The following TOX2 variants were observed in gnomAD, a reference collection of about 807,000 sequenced individuals.
TOX2 encodes the protein TOX high mobility group box family member 2, also known as granulosa cell HMG box 1.
Under a neutral mutation model 47.4 loss-of-function variants are expected in TOX2, and 15 were observed. The ratio of observed to expected loss-of-function variants is 0.32; its 90% CI spans 0.21 to 0.49. TOX2 has a LOEUF of 0.49. Among genes scored for constraint, TOX2 ranks in the 20% least tolerant of loss-of-function variants. TOX2 has a pLI of 0.99. For synonymous variants in TOX2, 290 were observed against 296.6 expected (o/e 0.98, Z 0.23); for missense variants, 622 against 673.1 (o/e 0.92, Z 0.84).
chr20:44,030,573 T>C (rs2071134211), intron 3 of TOX2, among the ~76,000 whole-genome samples: 1 of 152,164 alleles, frequency 6.6e-6, no homozygotes, highest in Admixed American at 6.5e-5. Flanking sequence ...TCAGGGCCTT[T>C]CCTGATGCCC....
At chr20:44,015,602 A>G (rs1421299370) in intron 3 of TOX2, among the ~76,000 whole-genome samples, 2 of 152,234 alleles carry the variant, frequency 1.3e-5, no homozygotes, top group Non-Finnish European at 2.9e-5. Context: ...AGAAAAATAG[A>G]TGACCGATAA....
At chr20:44,039,280 AAG>A in intron 3 of TOX2, 1 of 1,289,356 alleles carries the variant, frequency 7.8e-7, no homozygotes, top group Non-Finnish European at 1.0e-6. Context: ...GTCTAGAGAG[AAG>A]CCCACATGTC....
intron 2 of TOX2, among the ~76,000 whole-genome samples, chr20:43,999,920 G>A (rs747628472): frequency 2.6e-5 from 4 of 152,162 alleles, no homozygotes; most frequent in Non-Finnish European, 5.9e-5. Context: ...TACATCTATG[G>A]CCAGTTGATT....
chr20:43,922,338 A>C (rs1046977901), intron 1 of TOX2, among the ~76,000 whole-genome samples: 1 of 152,196 alleles, frequency 6.6e-6, no homozygotes, highest in African/African-American at 2.4e-5. Flanking sequence ...CCCTGCCCCC[A>C]GTCGTGACAA....
chr20:43,915,054 C>A lies in TOX2; in HGVS notation c.99+64C>A. 1.9e-6 allele frequency: 2 copies of A among 1,025,996 alleles called. No homozygotes were observed. The highest frequency in any genetic ancestry group is 2.4e-6 in the Non-Finnish European group (2 of 821,450). 63.6% of individuals were successfully genotyped at this position (1,025,996 alleles called of 1,614,324 possible). On this transcript the variant is annotated intron_variant, in intron 1 of 8. Transcript: ENST00000341197. The surrounding 1 kb of genome is among the most constrained non-coding windows in gnomAD (Gnocchi z 7.1). The stretch of plus-strand genomic sequence containing the variant: ...CGGAGTCACCTGGCAGCTCGGGACT[C>A]AGGCGCTCCCGGGGTCACACGGGGC...
At chr20:44,061,315 C>T (rs1448710389) in intron 5 of TOX2, among the ~76,000 whole-genome samples, 2 of 152,024 alleles carry the variant, frequency 1.3e-5, no homozygotes, top group Non-Finnish European at 2.9e-5. Flanking sequence ...CACTATTCCA[C>T]AAAATAAAGA....
intron 2 of TOX2, among the ~76,000 whole-genome samples, chr20:43,985,016 G>A (rs527610005): frequency 3.3e-5 from 5 of 152,266 alleles, no homozygotes; most frequent in Non-Finnish European, 1.5e-5. Context: ...CTGTGTGTGA[G>A]CTCACTGGTG....
intron 3 of TOX2, 48 bp downstream of exon 3, chr20:44,006,840 G>A: frequency 6.3e-7 from 1 of 1,579,192 alleles, no homozygotes; most frequent in East Asian, 2.3e-5. Context: ...CAGCAGGGAG[G>A]GGGTTGAGAG....
At chr20:44,034,573 G>A (rs764821718) in intron 3 of TOX2, among the ~76,000 whole-genome samples, 3 of 152,218 alleles carry the variant, frequency 2.0e-5, no homozygotes, top group Non-Finnish European at 4.4e-5. Flanking sequence ...CAGAGGATGT[G>A]AGAAAGAGGC....
intron 1 of TOX2, among the ~76,000 whole-genome samples, chr20:43,962,295 A>G (rs865982377): frequency 6.6e-6 from 1 of 152,120 alleles, no homozygotes; most frequent in Non-Finnish European, 1.5e-5. Context: ...GCAGCTGGTG[A>G]GTGTACTGGG....
At chr20:43,939,628 G>A (rs1300047684) in intron 1 of TOX2, among the ~76,000 whole-genome samples, 1 of 152,162 alleles carries the variant, frequency 6.6e-6, no homozygotes, top group Non-Finnish European at 1.5e-5. Context: ...GATAAGCGAG[G>A]GTTCATTTGG....
intron 2 of TOX2, 143 bp from the exon 3 acceptor site, chr20:44,006,404 C>G: frequency 1.5e-6 from 2 of 1,331,946 alleles, no homozygotes; most frequent in South Asian, 2.8e-5. Context: ...CGTCTTGACC[C>G]TCTGCCTTGC....
chr20:43,992,985 T>C (rs1242825527), intron 2 of TOX2, among the ~76,000 whole-genome samples: 1 of 152,042 alleles, frequency 6.6e-6, no homozygotes, highest in Admixed American at 6.5e-5. Flanking sequence ...CCACCAAGCA[T>C]GTTTTCCCCT....
intron 1 of TOX2, among the ~76,000 whole-genome samples, chr20:43,959,717 A>G (rs1441980158): frequency 2.6e-5 from 4 of 152,250 alleles, no homozygotes; most frequent in African/African-American, 9.6e-5. Context: ...AACCCGACGT[A>G]CGCTCATGCG....
At position 44,050,969 on chromosome 20, in the gene TOX2, T is replaced by C. The variant is rs11906843; in HGVS notation, c.412-337T>C. ...ACTGCTCAGTTCATGCAGAGACATA[T>C]TGCATTCCAGGAGGGAAGACTCGGT... is the stretch of plus-strand genomic sequence containing the variant. On this transcript the variant is annotated intron_variant, in intron 3 of 8. Transcript: ENST00000341197. Among the ~76,000 whole-genome samples, 961 of 152,286 alleles carry C rather than the reference T, an allele frequency of 6.3e-3. 15 individuals carry two copies. The highest frequency in any genetic ancestry group is 0.022 in the African/African-American group (909 of 41,558).
chr20:44,006,313 G>A (rs1422448059), intron 2 of TOX2, among the ~76,000 whole-genome samples: 1 of 152,178 alleles, frequency 6.6e-6, no homozygotes, highest in African/African-American at 2.4e-5. Context: ...CTCCAGGAGG[G>A]CAGGCTTCTG....
At chr20:44,043,571 T>C (rs1177686266) in intron 3 of TOX2, among the ~76,000 whole-genome samples, 2 of 152,242 alleles carry the variant, frequency 1.3e-5, no homozygotes, top group Non-Finnish European at 2.9e-5. Context: ...CATTGGCAGC[T>C]GTAGGTCCAC....
intron 7 of TOX2, 64 bp downstream of exon 7, chr20:44,066,171 T>C: frequency 6.9e-7 from 1 of 1,450,442 alleles, no homozygotes; most frequent in East Asian, 2.4e-5. Context: ...GGCTTTGCCC[T>C]TTCAAACCCT....
At chr20:44,009,431 G>A (rs910860185) in intron 3 of TOX2, among the ~76,000 whole-genome samples, 5 of 152,252 alleles carry the variant, frequency 3.3e-5, no homozygotes, top group East Asian at 3.9e-4. Context: ...TGGATGCTCC[G>A]TTTCTCCAGA....
Sources: gnomAD v4.1 joint callset for allele counts (sites outside exome capture counted in the v4.1 genomes callset) on GRCh38, gnomAD v4.1.1 for gene constraint, Gnocchi (gnomAD v3.1) non-coding constraint, MANE v1.5 for transcripts, NCBI Gene and HGNC (gene_info 2026-07-23, HGNC 2026-07-21) for gene names.